The following SCAMP5 variants were observed in gnomAD, a reference collection of about 807,000 sequenced individuals.
SCAMP5 encodes the protein secretory carrier-associated membrane protein 5.
A neutral mutation model predicts 28.3 loss-of-function variants in SCAMP5; 7 were observed. That is an observed-to-expected ratio of 0.25 (90% confidence interval 0.14 to 0.46). The LOEUF is 0.46. Ranked by LOEUF, SCAMP5 falls within the 20% of genes least tolerant of loss-of-function variation. The pLI is 0.99. For missense variants in SCAMP5, 192 were observed against 312.5 expected (o/e 0.61, Z 2.91); for synonymous variants, 117 against 116.4 (o/e 1.00, Z -0.03).
At chr15:75,010,230 G>A (rs1181196728) in intron 1 of SCAMP5, among the ~76,000 whole-genome samples, 1 of 152,142 alleles carries the variant, frequency 6.6e-6, no homozygotes, top group Admixed American at 6.5e-5. Flanking sequence ...CCTATAAGAC[G>A]CCCTGTCCAG....
chr15:75,018,033 T>A lies in SCAMP5; in HGVS notation c.395+62T>A. On this transcript the variant is annotated intron_variant, in intron 5 of 6. Coordinates refer to ENST00000425597, the MANE Select transcript of SCAMP5 (RefSeq NM_138967.4). This position sits in a 1 kb window ranked among gnomAD's most constrained non-coding sequence, Gnocchi z 5.6. The stretch of plus-strand genomic sequence containing the variant: ...TGGCGTTGTGGGTGTATCTTTTGCT[T>A]ACCTTTGTGTGCTAAGCTGTCTAGC... 1 of 1,034,056 alleles carries A rather than the reference T, an allele frequency of 9.7e-7. No individual in the cohort carries two copies. Among genetic ancestry groups the A allele is most frequent in the Non-Finnish European group, 1.5e-6 (1 of 664,272 alleles). 64.1% of individuals were successfully genotyped at this position (1,034,056 alleles called of 1,614,324 possible). A position where few individuals can be genotyped will look rare whatever the true frequency, so the allele number is the denominator to read the frequency against.
intron 1 of SCAMP5, among the ~76,000 whole-genome samples, chr15:75,003,737 G>T (rs2065730565): frequency 6.6e-6 from 1 of 152,108 alleles, no homozygotes. Flanking sequence ...TTGAGCCCAG[G>T]AGTTCGAGGC....
At chr15:75,011,047 AT>A (rs1363111453) in intron 1 of SCAMP5, among the ~76,000 whole-genome samples, 1 of 152,072 alleles carries the variant, frequency 6.6e-6, no homozygotes, top group African/African-American at 2.4e-5. Context: ...CTACAAAAAA[AT>A]ATAAAAATTA....
rs1460280276 is a variant in SCAMP5, at chr15:75,020,714, C to G, written c.*1731C>G. 1 of 152,268 alleles carries G rather than the reference C, an allele frequency of 6.6e-6. No homozygotes were observed. Among genetic ancestry groups the G allele is most frequent in the African/African-American group, 2.4e-5 (1 of 41,432 alleles). The allele number at this position is 152,268 out of a possible 1,614,324, so 9.4% of individuals were successfully genotyped here. ...GCCCATTTCCCACCTTCCCTTCTCC[C>G]ACCAGAAGCTTGCCTGAGCTGTTTG... On this transcript the variant is annotated 3_prime_UTR_variant, in exon 7 of 7. Transcript: ENST00000425597.
intron 1 of SCAMP5, among the ~76,000 whole-genome samples, chr15:75,006,139 A>G (rs1044445002): frequency 4.0e-5 from 6 of 150,920 alleles, no homozygotes; most frequent in African/African-American, 1.2e-4. Flanking sequence ...CTGGGATTAC[A>G]GGCGCCCGCC....
Position 75,018,567 on chromosome 15 carries a change from C to T in SCAMP5, c.513+32C>T, listed in dbSNP as rs748779477. On this transcript the variant is annotated intron_variant, in intron 6 of 6. Transcript: ENST00000425597. This position sits in a 1 kb window ranked among gnomAD's most constrained non-coding sequence, Gnocchi z 5.6. ...GGTCCCCTCAAGGGTGAGAAGGTGG[C>T]TTTGGGAAGGGGCCATGTTCTGAAA... 1 of 1,466,316 alleles carries T rather than the reference C, an allele frequency of 6.8e-7. No individual in the cohort carries two copies. The highest frequency in any genetic ancestry group is 1.7e-5 in the Admixed American group (1 of 59,726). The allele number at this position is 1,466,316 out of a possible 1,614,324, so 90.8% of individuals were successfully genotyped here.
chr15:75,008,800 C>T (rs1203996924), intron 1 of SCAMP5, among the ~76,000 whole-genome samples: 1 of 152,176 alleles, frequency 6.6e-6, no homozygotes, highest in Non-Finnish European at 1.5e-5. Context: ...CCATGGCTGG[C>T]ATCTTTTTTA....
intron 1 of SCAMP5, among the ~76,000 whole-genome samples, chr15:75,008,928 C>T (rs2065786266): frequency 6.6e-6 from 1 of 152,108 alleles, no homozygotes; most frequent in African/African-American, 2.4e-5. Flanking sequence ...GTGTGTTTGT[C>T]ATTTCTTATA....
rs1038026035 is a variant in SCAMP5, at chr15:75,019,148, C to T, written c.*165C>T. On this transcript the variant is annotated 3_prime_UTR_variant, in exon 7 of 7. Transcript: ENST00000425597. The stretch of plus-strand genomic sequence containing the variant: ...ATATATATATATGTATATGTCTGTA[C>T]CCCAGCCCCCACCTTTCAGATTCTG... 3 of 425,738 alleles carry T rather than the reference C, an allele frequency of 7.0e-6. No individual in the cohort carries two copies. Among genetic ancestry groups the T allele is most frequent in the Non-Finnish European group, 1.2e-5 (3 of 246,204 alleles). 26.4% of individuals were successfully genotyped at this position (425,738 alleles called of 1,614,324 possible).
Position 75,018,241 on chromosome 15 carries a change from C to G in SCAMP5, c.396-177C>G, listed in dbSNP as rs2065875292. On this transcript the variant is annotated intron_variant, in intron 5 of 6. Transcript: ENST00000425597. The surrounding 1 kb of genome is among the most constrained non-coding windows in gnomAD (Gnocchi z 5.6). Reference sequence around the variant, plus strand: ...GTATCTGAAGAGCACCTCTGAGCCACAGGGATGGGGTCTTCTTGAGCCACT... The same window carrying G: ...GTATCTGAAGAGCACCTCTGAGCCAGAGGGATGGGGTCTTCTTGAGCCACT... Among the ~76,000 whole-genome samples, 2 of 152,094 alleles carry G rather than the reference C, an allele frequency of 1.3e-5. No individual in the cohort carries two copies. The highest frequency in any genetic ancestry group is 4.8e-5 in the African/African-American group (2 of 41,370).
chr15:75,016,673 C>T lies in SCAMP5; in HGVS notation c.217C>T (p.Leu73Phe). 1.2e-6 allele frequency: 2 copies of T among 1,613,842 alleles called. No homozygotes were observed. Among genetic ancestry groups the T allele is most frequent in the Non-Finnish European group, 8.5e-7 (1 of 1,179,842 alleles). Reference protein sequence around the residue: ...IGGGGATNFGLAFLWLILFTP... With the variant: ...IGGGGATNFGFAFLWLILFTP... Reference sequence around the variant, plus strand: ...AGGCGGGGGAGCCACCAACTTTGGCCTCGCCTTTCTCTGGCTCATCCTCTT... The same window carrying T: ...AGGCGGGGGAGCCACCAACTTTGGCTTCGCCTTTCTCTGGCTCATCCTCTT... Residue 73 changes from leucine to phenylalanine, a missense_variant, in exon 4 of 7, where the codon CTC becomes TTC. By Grantham distance (22) the Leu-to-Phe change is conservative. Transcript: ENST00000425597.
intron 2 of SCAMP5, 92 bp from the exon 3 acceptor site, chr15:75,012,585 C>T (rs1278877061): frequency 7.4e-6 from 11 of 1,485,430 alleles, no homozygotes; most frequent in African/African-American, 6.9e-5. Context: ...CCACAGGGGC[C>T]AATGGGGCAG....
intron 1 of SCAMP5, among the ~76,000 whole-genome samples, chr15:75,011,164 C>T (rs1273313233): frequency 6.6e-6 from 1 of 152,082 alleles, no homozygotes; most frequent in Non-Finnish European, 1.5e-5. Flanking sequence ...TGGGATTATA[C>T]CACTGCACTC....
intron 1 of SCAMP5, among the ~76,000 whole-genome samples, chr15:75,011,421 G>A (rs552072099): frequency 1.3e-5 from 2 of 152,206 alleles, no homozygotes; most frequent in Admixed American, 1.3e-4. Flanking sequence ...ATGAACAAAG[G>A]CAAAAGGAGC....
chr15:74,995,781 T>G (rs973696397), intron 1 of SCAMP5, 108 bp downstream of exon 1: 1 of 152,582 alleles, frequency 6.6e-6, no homozygotes, highest in Non-Finnish European at 1.5e-5. Flanking sequence ...ACACTTCACC[T>G]TTGGATGCAG....
intron 1 of SCAMP5, among the ~76,000 whole-genome samples, chr15:74,997,018 C>T (rs533013334): frequency 6.6e-6 from 1 of 152,112 alleles, no homozygotes; most frequent in South Asian, 2.1e-4. Context: ...TGAGTGGCCA[C>T]CTCCAAGCAA....
Position 75,003,817 on chromosome 15 carries a change from T to G in SCAMP5, c.-48-7975T>G, listed in dbSNP as rs569188814. Among the ~76,000 whole-genome samples the G allele has an allele frequency of 6.9e-4, 105 of 152,078 alleles. 1 individual carries two copies. Among genetic ancestry groups the G allele is most frequent in the Admixed American group, 2.0e-3 (31 of 15,262 alleles). ...AAAGTGAGACCCTATCTAAAATAAA[T>G]AAATAAATAAAATAATGCAGTGAAC... On this transcript the variant is annotated intron_variant, in intron 1 of 6. Transcript: ENST00000425597.
Position 75,018,011 on chromosome 15 carries a change from CGTT to C in SCAMP5, c.395+43_395+45del. On this transcript the variant is annotated intron_variant, in intron 5 of 6. Transcript: ENST00000425597. The surrounding 1 kb of genome is among the most constrained non-coding windows in gnomAD (Gnocchi z 5.6). ...TGTGGCCTGGGGCTGGCAGGGGTGG[CGTT>C]GTGGGTGTATCTTTTGCTTACCTTT... 1.6e-6 allele frequency: 2 copies of C among 1,289,990 alleles called. No individual in the cohort carries two copies. Among genetic ancestry groups the C allele is most frequent in the East Asian group, 4.6e-5 (2 of 43,462 alleles). The allele number at this position is 1,289,990 out of a possible 1,614,324, so 79.9% of individuals were successfully genotyped here. A position where few individuals can be genotyped will look rare whatever the true frequency, so the allele number is the denominator to read the frequency against.
chr15:75,000,213 G>T (rs2065690882), intron 1 of SCAMP5, among the ~76,000 whole-genome samples: 1 of 151,950 alleles, frequency 6.6e-6, no homozygotes, highest in African/African-American at 2.4e-5. Flanking sequence ...AATTAGTTTA[G>T]AGATGAGGTC....
Sources: allele counts gnomAD v4.1 joint callset (sites outside exome capture counted in the v4.1 genomes callset), GRCh38; gene constraint gnomAD v4.1.1; non-coding constraint Gnocchi (gnomAD v3.1); transcripts MANE v1.5; gene names NCBI Gene and HGNC (gene_info 2026-07-23, HGNC 2026-07-21).